Variants in CTNNBL1 observed in about 807,000 individuals in gnomAD.
CTNNBL1 encodes catenin beta like 1.
A neutral mutation model predicts 72.7 loss-of-function variants in CTNNBL1; 31 were observed. That is an observed-to-expected ratio of 0.43 (90% CI 0.32 to 0.58). The LOEUF (loss-of-function observed/expected upper bound fraction) is 0.58, where lower values mean the gene tolerates loss of function less well. Among genes scored for constraint, CTNNBL1 ranks in the 20% least tolerant of loss-of-function variants. The probability of loss-of-function intolerance (pLI) is 0.08; values close to 1 mark genes in which losing one functional copy is unlikely to be tolerated. For missense variants in CTNNBL1, 534 were observed against 725.1 expected (o/e 0.74, Z 3.03); for synonymous variants, 240 against 267.3 (o/e 0.90, Z 1.00).
intron 13 of CTNNBL1, 123 bp downstream of exon 13, chr20:37,842,542 T>G (rs1157413980): frequency 5.7e-6 from 4 of 698,740 alleles, no homozygotes; most frequent in Admixed American, 4.4e-5. Context: ...GTTATAGAAG[T>G]AGAGCAGATG....
chr20:37,791,505 T>C (rs2073725186), intron 10 of CTNNBL1, among the ~76,000 whole-genome samples: 1 of 152,246 alleles, frequency 6.6e-6, no homozygotes, highest in Non-Finnish European at 1.5e-5. Flanking sequence ...CATATATCTT[T>C]TTTGGTGATA....
intron 1 of CTNNBL1, among the ~76,000 whole-genome samples, chr20:37,721,162 C>T (rs559035512): frequency 2.8e-4 from 43 of 152,264 alleles, no homozygotes; most frequent in South Asian, 1.5e-3. Context: ...TTCTTGGATT[C>T]CATTATTGAT....
At chr20:37,839,808 T>A (rs2072286737) in intron 11 of CTNNBL1, among the ~76,000 whole-genome samples, 1 of 152,220 alleles carries the variant, frequency 6.6e-6, no homozygotes, top group Non-Finnish European at 1.5e-5. Flanking sequence ...TGAGATTCTG[T>A]TGTGGACAAT....
chr20:37,812,969 A>G (rs1160311149), intron 11 of CTNNBL1, among the ~76,000 whole-genome samples: 2 of 151,422 alleles, frequency 1.3e-5, no homozygotes, highest in African/African-American at 4.8e-5. Flanking sequence ...AACCTTTGGT[A>G]AAAGTTAGCC....
At chr20:37,706,646 C>G (rs948599275) in intron 1 of CTNNBL1, among the ~76,000 whole-genome samples, 1 of 152,180 alleles carries the variant, frequency 6.6e-6, no homozygotes, top group African/African-American at 2.4e-5. Flanking sequence ...CAAAGACATC[C>G]ACGAGGATTG....
At chr20:37,839,944 T>G (rs1210254405) in intron 11 of CTNNBL1, among the ~76,000 whole-genome samples, 158 bp from the exon 12 acceptor site, 2 of 152,176 alleles carry the variant, frequency 1.3e-5, no homozygotes, top group African/African-American at 2.4e-5. Flanking sequence ...TTGGTTCGGT[T>G]TTTTAGTGAC....
intron 3 of CTNNBL1, among the ~76,000 whole-genome samples, chr20:37,746,244 A>G (rs1168488518): frequency 1.3e-5 from 2 of 152,206 alleles, no homozygotes; most frequent in African/African-American, 4.8e-5. Context: ...TGCAAGAGTA[A>G]GGGAACCCTG....
intron 10 of CTNNBL1, among the ~76,000 whole-genome samples, chr20:37,799,523 T>G (rs1230896808): frequency 6.6e-6 from 1 of 152,190 alleles, no homozygotes; most frequent in Non-Finnish European, 1.5e-5. Flanking sequence ...TTCCTTAGAC[T>G]CGGTGCAGAA....
chr20:37,790,571 T>C (rs550431605), intron 10 of CTNNBL1, among the ~76,000 whole-genome samples: 2 of 152,350 alleles, frequency 1.3e-5, no homozygotes, highest in East Asian at 3.9e-4. Flanking sequence ...AGTTTGCACC[T>C]GTTCTCTAGG....
At chr20:37,724,876 A>G (rs1342241938) in intron 1 of CTNNBL1, among the ~76,000 whole-genome samples, 1 of 151,482 alleles carries the variant, frequency 6.6e-6, no homozygotes, top group East Asian at 1.9e-4. Context: ...GTACCAAAAA[A>G]TGGAAGTCCG....
intron 10 of CTNNBL1, among the ~76,000 whole-genome samples, chr20:37,794,982 G>T (rs1173016610): frequency 1.3e-5 from 2 of 151,644 alleles, no homozygotes; most frequent in African/African-American, 4.8e-5. Flanking sequence ...TTTGTAATTT[G>T]TCCCTTTTTT....
chr20:37,721,769 C>T (rs191718807), intron 1 of CTNNBL1, among the ~76,000 whole-genome samples: 31 of 152,272 alleles, frequency 2.0e-4, no homozygotes, highest in African/African-American at 7.5e-4. Context: ...TGCATGCATC[C>T]ATGGATCATT....
chr20:37,731,328 C>T (rs527555820), intron 1 of CTNNBL1, among the ~76,000 whole-genome samples: 23 of 152,080 alleles, frequency 1.5e-4, no homozygotes, highest in Middle Eastern at 3.4e-3. Context: ...CTCTGCCTCC[C>T]GGGTTCAAGC....
chr20:37,774,214 A>G (rs2073553878), intron 7 of CTNNBL1, among the ~76,000 whole-genome samples: 1 of 152,048 alleles, frequency 6.6e-6, no homozygotes, highest in Admixed American at 6.6e-5. Context: ...GCGCCTGGCC[A>G]CATACATTAT....
intron 11 of CTNNBL1, among the ~76,000 whole-genome samples, chr20:37,810,466 C>T (rs2072001352): frequency 1.3e-5 from 2 of 152,278 alleles, no homozygotes; most frequent in African/African-American, 4.8e-5. Context: ...CTCACCACCT[C>T]TCAACACCAT....
At chr20:37,824,145 G>A (rs2072136495) in intron 11 of CTNNBL1, among the ~76,000 whole-genome samples, 3 of 152,234 alleles carry the variant, frequency 2.0e-5, no homozygotes, top group Admixed American at 6.5e-5. Context: ...CTGCGCTGAC[G>A]TATAGCTATC....
intron 10 of CTNNBL1, among the ~76,000 whole-genome samples, chr20:37,793,900 C>A (rs375047111): frequency 1.3e-5 from 2 of 152,212 alleles, no homozygotes; most frequent in African/African-American, 4.8e-5. Flanking sequence ...CCTGCCTCAG[C>A]CTCCCGAGTA....
At position 37,718,563 on chromosome 20, in the gene CTNNBL1, G is replaced by A. The variant is rs377618467; in HGVS notation, c.31-14316G>A. ...GGGCAGAGGCGCCCCTCACCTCCCC[G>A]ACAGGGCGGATGGCCGGGCGGGGGG... On this transcript the variant is annotated intron_variant, in intron 1 of 15. Coordinates refer to ENST00000361383, the MANE Select transcript of CTNNBL1 (RefSeq NM_030877.5). 5.5e-4 allele frequency among the ~76,000 whole-genome samples: 81 copies of A among 148,604 alleles called. No homozygotes were observed. The East Asian group carries it at 0.012, about 21-fold the overall frequency.
chr20:37,754,655 C>T (rs2073348066), intron 4 of CTNNBL1, among the ~76,000 whole-genome samples: 1 of 152,062 alleles, frequency 6.6e-6, no homozygotes, highest in Non-Finnish European at 1.5e-5. Flanking sequence ...GTGGTTACAA[C>T]AGGGTCAATA....
Sources: gnomAD v4.1 joint callset for allele counts (sites outside exome capture counted in the v4.1 genomes callset) on GRCh38, gnomAD v4.1.1 for gene constraint, MANE v1.5 for transcripts, NCBI Gene and HGNC (gene_info 2026-07-23, HGNC 2026-07-21) for gene names.